The following SLC26A4 variants were observed in gnomAD, a reference collection of about 807,000 sequenced individuals.
SLC26A4 encodes pendrin.
SLC26A4 carries 93 observed loss-of-function variants against 90.4 expected under a neutral mutation model. That is an observed-to-expected ratio of 1.03 (90% CI 0.87 to 1.22). The LOEUF (loss-of-function observed/expected upper bound fraction) is 1.22. SLC26A4 is among the 50% of genes most tolerant of loss of function. SLC26A4 has a pLI of 0.00. For synonymous variants in SLC26A4, 393 were observed against 354.6 expected (o/e 1.11, Z -1.22); for missense variants, 1,127 against 946.2 (o/e 1.19, Z -2.51).
intron 20 of SLC26A4, among the ~76,000 whole-genome samples, chr7:107,714,728 C>G (rs926998649): frequency 4.4e-4 from 67 of 152,198 alleles, no homozygotes; most frequent in African/African-American, 1.6e-3. Flanking sequence ...GGGTGCTAGT[C>G]CTCATTCTGC....
intron 15 of SLC26A4, 58 bp from the exon 16 acceptor site, chr7:107,701,043 G>T: frequency 1.0e-6 from 1 of 984,384 alleles, no homozygotes; most frequent in Non-Finnish European, 1.6e-6. Context: ...GATAACAGTT[G>T]CCATTAATAA....
intron 6 of SLC26A4, among the ~76,000 whole-genome samples, chr7:107,680,675 A>T (rs1791207703): frequency 6.6e-6 from 1 of 151,896 alleles, no homozygotes; most frequent in South Asian, 2.1e-4. Flanking sequence ...TGTAATATAA[A>T]CTGATTTTGG....
At chr7:107,687,942 G>C (rs569430765) in intron 8 of SLC26A4, among the ~76,000 whole-genome samples, 30 of 152,254 alleles carry the variant, frequency 2.0e-4, no homozygotes, top group African/African-American at 7.0e-4. Context: ...GTCTCATTGT[G>C]GGGTAGGATG....
At position 107,689,036 on chromosome 7, in the gene SLC26A4, A is replaced by C; in HGVS notation, c.1002-17A>C. 1 of 1,613,662 alleles carries C rather than the reference A, an allele frequency of 6.2e-7. No homozygotes were observed. Among genetic ancestry groups the C allele is most frequent in the Non-Finnish European group, 8.5e-7 (1 of 1,179,648 alleles). On this transcript the variant is annotated splice_polypyrimidine_tract_variant and intron_variant, in intron 8 of 20. Coordinates refer to ENST00000644269, the MANE Select transcript of SLC26A4 (RefSeq NM_000441.2). Reference sequence around the variant, plus strand: ...TGGTCAAATCTTCACAGCATTTTTCACTTAAAAACTCACTAGGTTTTTGCC... The same window carrying C: ...TGGTCAAATCTTCACAGCATTTTTCCCTTAAAAACTCACTAGGTTTTTGCC...
At chr7:107,676,837 C>G (rs1434397514) in intron 6 of SLC26A4, among the ~76,000 whole-genome samples, 3 of 152,154 alleles carry the variant, frequency 2.0e-5, no homozygotes, top group Admixed American at 2.0e-4. Flanking sequence ...AGGTACTATG[C>G]TAAGCAGTGA....
chr7:107,700,006 T>A, intron 14 of SLC26A4, 77 bp from the exon 15 acceptor site: 1 of 882,312 alleles, frequency 1.1e-6, no homozygotes, highest in Non-Finnish European at 1.9e-6. Flanking sequence ...CTTGACTCCT[T>A]GCTAAGTAGC....
chr7:107,706,003 G>T (rs1175541775), intron 18 of SLC26A4, among the ~76,000 whole-genome samples: 1 of 152,216 alleles, frequency 6.6e-6, no homozygotes, highest in East Asian at 1.9e-4. Context: ...CTTCATTGGA[G>T]TGTTGTAGCC....
intron 6 of SLC26A4, among the ~76,000 whole-genome samples, chr7:107,678,778 G>A (rs752968356): frequency 6.6e-6 from 1 of 151,726 alleles, no homozygotes; most frequent in Non-Finnish European, 1.5e-5. Flanking sequence ...CGATTGCATA[G>A]GGTTAAATGA....
rs1216900843 is a variant in SLC26A4 at position 107,694,483 on chromosome 7, A to G, written c.1341+3A>G. 1 of 1,606,604 alleles carries G rather than the reference A, an allele frequency of 6.2e-7. No individual in the cohort carries two copies. The highest frequency in any genetic ancestry group is 1.7e-5 in the Admixed American group (1 of 59,972). On this transcript the variant is annotated splice_donor_region_variant and intron_variant, in intron 11 of 20. Coordinates refer to ENST00000644269, the MANE Select transcript of SLC26A4 (RefSeq NM_000441.2). ...AGCTTCTGGAACCCTTGCAGAAGGT[A>G]TAACCCTGCTTCTCTGCATACCGAT...
intron 20 of SLC26A4, among the ~76,000 whole-genome samples, chr7:107,712,952 T>G (rs113067620): frequency 2.0e-5 from 3 of 152,310 alleles, no homozygotes; most frequent in African/African-American, 7.2e-5. Flanking sequence ...TAGAGGAAAC[T>G]TCTAAGCTAG....
chr7:107,688,066 A>G (rs961353446), intron 8 of SLC26A4, among the ~76,000 whole-genome samples: 15 of 152,198 alleles, frequency 9.9e-5, no homozygotes, highest in African/African-American at 3.6e-4. Flanking sequence ...AATATCTAAC[A>G]TTTAGACCTG....
In SLC26A4 at chr7:107,682,123, AAAAAAAATT is replaced by A. The variant is rs1485660247; in HGVS notation, c.766-1078_766-1070del. On this transcript the variant is annotated intron_variant, in intron 6 of 20. Coordinates refer to ENST00000644269, the MANE Select transcript of SLC26A4 (RefSeq NM_000441.2). Reference sequence around the variant, plus strand: ...GAGAGCTAAAAAAAAAAAAAAAAAAAAAAAAAATTTTTTTTATGTTATCTTAGTTCAAGT... The same window carrying A: ...GAGAGCTAAAAAAAAAAAAAAAAAAATTTTTTATGTTATCTTAGTTCAAGT... Among the ~76,000 whole-genome samples, 4 of 141,778 alleles carry A rather than the reference AAAAAAAATT, an allele frequency of 2.8e-5. 1 individual carries two copies. Among genetic ancestry groups the A allele is most frequent in the Non-Finnish European group, 6.2e-5 (4 of 64,244 alleles). The allele number at this position is 141,778 out of a possible 152,430, so 93.0% of individuals were successfully genotyped here.
Position 107,663,426 on chromosome 7 carries a change from A to G in SLC26A4, c.295A>G (p.Thr99Ala). The stretch of plus-strand genomic sequence containing the variant: ...GGGAGTTAGTACTGGGCTAGTGGCC[A>G]CGCTGCAAGGTAAGATGTTGGCAGA... ...ISGVSTGLVATLQGMAYALLA... is the reference protein window; with the variant it reads ...ISGVSTGLVAALQGMAYALLA... The change falls in exon 3 of 21, where the codon ACG becomes GCG. Residue 99 changes from threonine to alanine, a missense_variant. Thr to Ala is a moderately conservative substitution (Grantham distance 58, BLOSUM62 0). Transcript: ENST00000644269. 1.2e-6 allele frequency: 2 copies of G among 1,614,098 alleles called. No homozygotes were observed. The highest frequency in any genetic ancestry group is 1.7e-6 in the Non-Finnish European group (2 of 1,179,976).
chr7:107,672,308 T>G, intron 4 of SLC26A4, 60 bp downstream of exon 4: 4 of 1,013,888 alleles, frequency 3.9e-6, no homozygotes, highest in Non-Finnish European at 6.1e-6. Flanking sequence ...TTGGCTATAT[T>G]AAGTGCATTA....
intron 13 of SLC26A4, among the ~76,000 whole-genome samples, chr7:107,696,524 G>C (rs1367888294): frequency 6.6e-6 from 1 of 152,164 alleles, no homozygotes; most frequent in Non-Finnish European, 1.5e-5. Flanking sequence ...CTTTTTTAAA[G>C]CTAGTAACCA....
Position 107,674,087 on chromosome 7 carries a change from T to C in SLC26A4, c.416-77T>C, listed in dbSNP as rs1461812761. ...TAGTCACAGCTAAATCTTTTATACA[T>C]TTTTTAAACCCTATGCAGACACATT... On this transcript the variant is annotated intron_variant, in intron 4 of 20. Transcript: ENST00000644269. 6 of 1,410,330 alleles carry C rather than the reference T, an allele frequency of 4.3e-6. No individual in the cohort carries two copies. In the East Asian group the frequency reaches 1.1e-4, roughly 27 times the overall value. The allele number at this position is 1,410,330 out of a possible 1,614,324, so 87.4% of individuals were successfully genotyped here.
Position 107,694,343 on chromosome 7 carries a change from G to A in SLC26A4, c.1264-60G>A. The A allele has an allele frequency of 3.1e-6, 4 of 1,297,606 alleles. No individual in the cohort carries two copies. The South Asian group carries it at 4.8e-5, about 16-fold the overall frequency. 80.4% of individuals were successfully genotyped at this position (1,297,606 alleles called of 1,614,324 possible). ...AGGCTGTCTCATACACACATCCAGT[G>A]AGCTGGAAGACACAAGGGAGAAGGA... On this transcript the variant is annotated intron_variant, in intron 10 of 20. Coordinates refer to ENST00000644269, the MANE Select transcript of SLC26A4 (RefSeq NM_000441.2).
chr7:107,672,037 A>G, intron 3 of SLC26A4, 101 bp from the exon 4 acceptor site: 1 of 766,910 alleles, frequency 1.3e-6, no homozygotes, highest in Non-Finnish European at 2.4e-6. Flanking sequence ...CTTTTGCATC[A>G]TCATAAAGGC....
At chr7:107,665,347 T>C (rs1039212572) in intron 3 of SLC26A4, among the ~76,000 whole-genome samples, 2 of 152,204 alleles carry the variant, frequency 1.3e-5, no homozygotes, top group African/African-American at 4.8e-5. Flanking sequence ...AGCCTCAGCC[T>C]GATCAAGCAT....
Sources: allele counts gnomAD v4.1 joint callset (sites outside exome capture counted in the v4.1 genomes callset), GRCh38; gene constraint gnomAD v4.1.1; transcripts MANE v1.5; gene names NCBI Gene and HGNC (gene_info 2026-07-23, HGNC 2026-07-21).